The following USP44 variants were observed in gnomAD, a reference collection of about 807,000 sequenced individuals.
The protein encoded by USP44 is ubiquitin specific peptidase 44, also known as ubiquitin carboxyl-terminal hydrolase 44.
USP44 carries 61 observed loss-of-function variants against 69.0 expected under a neutral mutation model. That is an observed-to-expected ratio of 0.88 (90% CI 0.72 to 1.09). The LOEUF is 1.09. Ranked by LOEUF, USP44 falls within the 50% of genes least tolerant of loss-of-function variation. The pLI is 0.00. For synonymous variants in USP44, 297 were observed against 295.4 expected, an observed-to-expected ratio of 1.01 and a Z score of -0.06; for missense variants, 753 against 849.9, an observed-to-expected ratio of 0.89 and a Z score of 1.42.
intron 1 of USP44, chr12:95,547,939 T>G (rs775360153): frequency 6.6e-6 from 1 of 152,190 alleles, no homozygotes; most frequent in African/African-American, 2.4e-5. Flanking sequence ...AGTTACTATA[T>G]AGTTCACTTT....
chr12:95,542,150 G>A (rs2077410211), intron 1 of USP44, among the ~76,000 whole-genome samples: 1 of 152,068 alleles, frequency 6.6e-6, no homozygotes, highest in Non-Finnish European at 1.5e-5. Context: ...CAAAATGCTG[G>A]GATTATAGGC....
intron 1 of USP44, among the ~76,000 whole-genome samples, chr12:95,546,235 T>A (rs560652229): frequency 1.3e-5 from 2 of 152,122 alleles, no homozygotes; most frequent in Admixed American, 1.3e-4. Flanking sequence ...GTCTGAAAAA[T>A]TGAATTCAAA....
At chr12:95,529,999 G>A (rs1055196190) in intron 2 of USP44, among the ~76,000 whole-genome samples, 1 of 152,052 alleles carries the variant, frequency 6.6e-6, no homozygotes, top group Non-Finnish European at 1.5e-5. Context: ...TGTAGCAACC[G>A]GAAAGGAAAT....
At position 95,532,167 on chromosome 12, in the gene USP44, G is replaced by GTTT. The variant is rs1272256143; in HGVS notation, c.1428+659_1428+661dup. ...TGCACCATTTTCTTTCTTTCTTTGG[G>GTTT]TTTTTTTTTTTTTTTTTTGAGACGG... On this transcript the variant is annotated intron_variant, in intron 2 of 5. Coordinates refer to ENST00000258499, the MANE Select transcript of USP44 (RefSeq NM_032147.5). Among the ~76,000 whole-genome samples, 68 of 126,646 alleles carry GTTT rather than the reference G, an allele frequency of 5.4e-4. 2 individuals carry two copies. The highest frequency in any genetic ancestry group is 1.3e-3 in the South Asian group (5 of 3,942). The allele number at this position is 126,646 out of a possible 152,430, so 83.1% of individuals were successfully genotyped here.
At chr12:95,524,815 T>C (rs767468941) in intron 3 of USP44, 27 bp from the exon 4 acceptor site, 1 of 1,562,658 alleles carries the variant, frequency 6.4e-7, no homozygotes, top group Non-Finnish European at 8.6e-7. Context: ...AGAATAAAAA[T>C]CAAATTTCAT....
At position 95,517,951 on chromosome 12, in the gene USP44, G is replaced by C. The variant is rs540776907; in HGVS notation, c.*203C>G. 7.9e-5 allele frequency: 38 copies of C among 483,410 alleles called. No individual in the cohort carries two copies. The highest frequency in any genetic ancestry group is 6.6e-4 in the African/African-American group (34 of 51,482). The allele number at this position is 483,410 out of a possible 1,614,324, so 29.9% of individuals were successfully genotyped here. On this transcript the variant is annotated 3_prime_UTR_variant, in exon 6 of 6. Coordinates refer to ENST00000258499, the MANE Select transcript of USP44 (RefSeq NM_032147.5). ...CATCAGTCTGAGGTAAACACCAAAAGTTTAAAACTCCAAATATGAAAAAAG... is the reference window on the plus strand; with the variant it reads ...CATCAGTCTGAGGTAAACACCAAAACTTTAAAACTCCAAATATGAAAAAAG...
rs373933151 is a variant in USP44 at position 95,528,800 on chromosome 12, T to C, written c.1624+7A>G. On this transcript the variant is annotated splice_region_variant and intron_variant, in intron 3 of 5. Transcript: ENST00000258499. ...GAAAGCACCAAGAACACAACGTCTT[T>C]ACTCACAGTTACACTGGTCACATAC... The C allele has an allele frequency of 1.2e-6, 2 of 1,609,866 alleles. No homozygotes were observed. The highest frequency in any genetic ancestry group is 1.7e-6 in the Non-Finnish European group (2 of 1,178,396).
chr12:95,523,056 C>T (rs1322234814), intron 4 of USP44, among the ~76,000 whole-genome samples: 2 of 152,132 alleles, frequency 1.3e-5, no homozygotes, highest in Non-Finnish European at 2.9e-5. Context: ...ATGCTGAAGT[C>T]CCCAGAGGGC....
chr12:95,530,367 T>TC (rs1324088452), intron 2 of USP44, among the ~76,000 whole-genome samples: 1 of 152,118 alleles, frequency 6.6e-6, no homozygotes, highest in Non-Finnish European at 1.5e-5. Context: ...ATGCCTGTAA[T>TC]CCCAGCACTT....
At chr12:95,519,645 C>T (rs1004314930) in intron 5 of USP44, among the ~76,000 whole-genome samples, 1 of 150,392 alleles carries the variant, frequency 6.6e-6, no homozygotes, top group Non-Finnish European at 1.5e-5. Context: ...GGGGTTTCAC[C>T]GTGGTCTCGA....
Position 95,518,005 on chromosome 12 carries a change from A to G in USP44, c.*149T>C. 1 of 797,798 alleles carries G rather than the reference A, an allele frequency of 1.3e-6. No individual in the cohort carries two copies. Among genetic ancestry groups the G allele is most frequent in the Non-Finnish European group, 1.9e-6 (1 of 529,684 alleles). 49.4% of individuals were successfully genotyped at this position (797,798 alleles called of 1,614,324 possible). On this transcript the variant is annotated 3_prime_UTR_variant, in exon 6 of 6. Transcript: ENST00000258499. ...TTACCTTCAGTTGATATATACATTT[A>G]TACTTTGTAAAAAAAAAAATTGTTA...
At chr12:95,529,830 G>A (rs1565815486) in intron 2 of USP44, among the ~76,000 whole-genome samples, 1 of 151,570 alleles carries the variant, frequency 6.6e-6, no homozygotes, top group Non-Finnish European at 1.5e-5. Context: ...TCATTATGCA[G>A]ATTTTAAGGC....
chr12:95,521,298 G>C (rs2076654735), intron 4 of USP44, 96 bp from the exon 5 acceptor site: 1 of 1,058,992 alleles, frequency 9.4e-7, no homozygotes, highest in Non-Finnish European at 1.5e-6. Flanking sequence ...CAGGCAGCAT[G>C]GAATACAAAG....
intron 5 of USP44, 76 bp downstream of exon 5, chr12:95,520,921 A>G: frequency 7.3e-7 from 1 of 1,361,454 alleles, no homozygotes; most frequent in Non-Finnish European, 1.0e-6. Flanking sequence ...TTTAGTAGTC[A>G]ATTTAGAAAT....
chr12:95,542,755 A>G (rs1300908781), intron 1 of USP44, among the ~76,000 whole-genome samples: 1 of 149,738 alleles, frequency 6.7e-6, no homozygotes, highest in East Asian at 2.0e-4. Flanking sequence ...CATCTCAAAA[A>G]AAAAACCAAA....
At chr12:95,538,460 G>A (rs573311892) in intron 1 of USP44, among the ~76,000 whole-genome samples, 1 of 151,904 alleles carries the variant, frequency 6.6e-6, no homozygotes, top group South Asian at 2.1e-4. Context: ...TGTGTACTAA[G>A]CCCAACTAAG....
At position 95,518,052 on chromosome 12, in the gene USP44, G is replaced by GTA; in HGVS notation, c.*100_*101dup. The GTA allele has an allele frequency of 8.0e-7, 1 of 1,256,826 alleles. No individual in the cohort carries two copies. The highest frequency in any genetic ancestry group is 1.1e-6 in the Non-Finnish European group (1 of 899,946). The allele number at this position is 1,256,826 out of a possible 1,614,324, so 77.9% of individuals were successfully genotyped here. A position where few individuals can be genotyped will look rare whatever the true frequency, so the allele number is the denominator to read the frequency against. ...GTTAGATATAAAATGTATAAATGTAGTATACACTGATTCACAAGAAAAAAT... is the reference window on the plus strand; with the variant it reads ...GTTAGATATAAAATGTATAAATGTAGTATATACACTGATTCACAAGAAAAAAT... On this transcript the variant is annotated 3_prime_UTR_variant, in exon 6 of 6. Coordinates refer to ENST00000258499, the MANE Select transcript of USP44 (RefSeq NM_032147.5).
Position 95,518,849 on chromosome 12 carries a change from G to T in USP44, c.1940-496C>A, listed in dbSNP as rs147392435. On this transcript the variant is annotated intron_variant, in intron 5 of 5. Transcript: ENST00000258499. ...AGCTACTCAGGAGGCTGAAGCAAGA[G>T]AATGGCTTGAACCTGGGAGGCAGAG... Among the ~76,000 whole-genome samples, 1,398 of 152,202 alleles carry T rather than the reference G, an allele frequency of 9.2e-3. 26 individuals carry two copies. Among genetic ancestry groups the T allele is most frequent in the African/African-American group, 0.032 (1,339 of 41,534 alleles).
rs896117006 is a variant in USP44 at position 95,517,343 on chromosome 12, T to G, written c.*811A>C. Reference sequence around the variant, plus strand: ...TAAGAGATCTAATGTCATCAGACATTATAAAATGAACTCATACCCAAGGTA... The same window carrying G: ...TAAGAGATCTAATGTCATCAGACATGATAAAATGAACTCATACCCAAGGTA... On this transcript the variant is annotated 3_prime_UTR_variant, in exon 6 of 6. Transcript: ENST00000258499. The G allele has an allele frequency of 6.6e-6, 1 of 152,152 alleles. No homozygotes were observed. Among genetic ancestry groups the G allele is most frequent in the Non-Finnish European group, 1.5e-5 (1 of 68,012 alleles). The allele number at this position is 152,152 out of a possible 1,614,324, so 9.4% of individuals were successfully genotyped here.
Sources: allele counts gnomAD v4.1 joint callset (sites outside exome capture counted in the v4.1 genomes callset), GRCh38; gene constraint gnomAD v4.1.1; transcripts MANE v1.5; gene names NCBI Gene and HGNC (gene_info 2026-07-23, HGNC 2026-07-21).